Variants in FOXP1 observed in about 807,000 individuals in gnomAD.
FOXP1 encodes forkhead box protein P1.
Under a neutral mutation model 98.2 loss-of-function variants are expected in FOXP1, and 15 were observed. That is an observed-to-expected ratio of 0.15 (90% CI 0.10 to 0.24). The LOEUF is 0.24. Among genes scored for constraint, FOXP1 ranks in the 10% least tolerant of loss-of-function variants. FOXP1 has a pLI of 1.00. For missense variants in FOXP1, 633 were observed against 848.5 expected, an observed-to-expected ratio of 0.75 and a Z score of 3.15; for synonymous variants, 371 against 314.5, an observed-to-expected ratio of 1.18 and a Z score of -1.90.
At chr3:71,122,159 T>C (rs540073575) in intron 6 of FOXP1, among the ~76,000 whole-genome samples, 1 of 152,364 alleles carries the variant, frequency 6.6e-6, no homozygotes, top group African/African-American at 2.4e-5. Flanking sequence ...TATGGTACTG[T>C]ATTCCTTTTT....
intron 3 of FOXP1, among the ~76,000 whole-genome samples, chr3:71,391,054 A>T (rs1284090058): frequency 1.2e-4 from 18 of 152,210 alleles, no homozygotes; most frequent in Admixed American, 1.1e-3. Flanking sequence ...GCTCACAAAA[A>T]TGTCATGGCC....
intron 3 of FOXP1, among the ~76,000 whole-genome samples, chr3:71,368,239 C>T (rs1273482748): frequency 6.6e-6 from 1 of 152,140 alleles, no homozygotes; most frequent in African/African-American, 2.4e-5. Context: ...ATTCTCCTGC[C>T]TCAGCCTCCT....
At chr3:71,468,372 C>T (rs2088987432) in intron 3 of FOXP1, among the ~76,000 whole-genome samples, 1 of 152,112 alleles carries the variant, frequency 6.6e-6, no homozygotes, top group African/African-American at 2.4e-5. Context: ...AACATTTCTC[C>T]TTGGTGTGAC....
At chr3:71,582,191 A>T in intron 1 of FOXP1, 1 of 983,908 alleles carries the variant, frequency 1.0e-6, no homozygotes, top group Non-Finnish European at 1.2e-6. Context: ...GTCTCCCGGG[A>T]CCAAGGCGGA....
chr3:71,024,689 T>C (rs1036135931), intron 11 of FOXP1, among the ~76,000 whole-genome samples: 3 of 152,224 alleles, frequency 2.0e-5, no homozygotes, highest in Admixed American at 2.0e-4. Context: ...GAGTAAAACT[T>C]GCAATTGGAG....
At chr3:71,305,425 C>T (rs997436232) in intron 4 of FOXP1, among the ~76,000 whole-genome samples, 3 of 152,254 alleles carry the variant, frequency 2.0e-5, no homozygotes, top group Non-Finnish European at 4.4e-5. Flanking sequence ...AATGAAGAGA[C>T]GATTCGATTT....
intron 5 of FOXP1, among the ~76,000 whole-genome samples, chr3:71,264,580 G>A (rs1296731283): frequency 6.6e-6 from 1 of 152,130 alleles, no homozygotes; most frequent in Non-Finnish European, 1.5e-5. Flanking sequence ...TTTCCTAATT[G>A]CTTTATCACC....
At chr3:71,582,659 C>A (rs1238508894) in intron 1 of FOXP1, 1 of 985,262 alleles carries the variant, frequency 1.0e-6, no homozygotes, top group African/African-American at 1.7e-5. Context: ...GAGATCCGGG[C>A]GCGGCGACTC....
chr3:71,008,388 G>T (rs115312173), intron 12 of FOXP1, among the ~76,000 whole-genome samples: 2,486 of 152,262 alleles, frequency 0.016, 27 homozygotes, highest in Non-Finnish European at 0.026. Context: ...GGACTCAAGT[G>T]GGGAGAAGAT....
At chr3:71,558,272 G>A (rs939820535) in intron 2 of FOXP1, among the ~76,000 whole-genome samples, 3 of 152,032 alleles carry the variant, frequency 2.0e-5, no homozygotes, top group Non-Finnish European at 4.4e-5. Flanking sequence ...TGACTCGGAC[G>A]TGCCCCTTCC....
In FOXP1 at chr3:71,459,674, AG is replaced by A. The variant is rs1386736495; in HGVS notation, c.-168+33751del. Among the ~76,000 whole-genome samples the A allele has an allele frequency of 2.0e-5, 3 of 152,208 alleles. No individual in the cohort carries two copies. In the East Asian group the frequency reaches 5.8e-4, roughly 29 times the overall value. Reference sequence around the variant, plus strand: ...ATTCCATTCAAAATCATATTATTTTAGCCTCCAAATTCAAATACAGCTAAAA... The same window carrying A: ...ATTCCATTCAAAATCATATTATTTTACCTCCAAATTCAAATACAGCTAAAA... On this transcript the variant is annotated intron_variant, in intron 3 of 20. Coordinates refer to ENST00000649528, the MANE Select transcript of FOXP1 (RefSeq NM_001349338.3).
chr3:71,277,059 C>T (rs894654743), intron 5 of FOXP1, among the ~76,000 whole-genome samples: 5 of 151,070 alleles, frequency 3.3e-5, no homozygotes, highest in Admixed American at 1.3e-4. Flanking sequence ...CCCGGATTCA[C>T]GCCATTCTCC....
chr3:71,092,433 C>T (rs1186764575), intron 7 of FOXP1, among the ~76,000 whole-genome samples: 1 of 151,882 alleles, frequency 6.6e-6, no homozygotes, highest in African/African-American at 2.4e-5. Context: ...AGAGGGAGGG[C>T]AAGTACAGAG....
chr3:71,002,288 C>G (rs562672709), intron 12 of FOXP1, among the ~76,000 whole-genome samples: 1 of 152,112 alleles, frequency 6.6e-6, no homozygotes, highest in African/African-American at 2.4e-5. Flanking sequence ...AAAAACAAAA[C>G]GGATACAAAT....
intron 5 of FOXP1, among the ~76,000 whole-genome samples, chr3:71,200,524 A>G (rs7374975): frequency 0.7 from 106,306 of 152,156 alleles, 37,603 homozygotes; most frequent in East Asian, 0.88. Context: ...AAAACAATGA[A>G]AACGGCAGGC....
At chr3:71,109,154 T>C (rs1322933697) in intron 7 of FOXP1, among the ~76,000 whole-genome samples, 3 of 152,234 alleles carry the variant, frequency 2.0e-5, no homozygotes, top group African/African-American at 7.2e-5. Flanking sequence ...CACCCAAGAA[T>C]GTGACCAGCT....
At chr3:70,972,489 G>C (rs772435147) in intron 18 of FOXP1, 66 bp downstream of exon 18, 29 of 1,604,516 alleles carry the variant, frequency 1.8e-5, no homozygotes, top group African/African-American at 2.7e-5. Flanking sequence ...AGCAGCCAAA[G>C]CCTCTACGTT....
intron 7 of FOXP1, among the ~76,000 whole-genome samples, chr3:71,096,647 C>T (rs2056482533): frequency 6.6e-6 from 1 of 152,136 alleles, no homozygotes; most frequent in African/African-American, 2.4e-5. Context: ...CAAGACAGAG[C>T]TGTATGCATT....
intron 13 of FOXP1, among the ~76,000 whole-genome samples, chr3:70,994,658 T>C (rs926603725): frequency 3.3e-5 from 5 of 152,160 alleles, no homozygotes; most frequent in Middle Eastern, 3.2e-3. Flanking sequence ...CCCTATATAA[T>C]AGGTGCTTGG....
Sources: gnomAD v4.1 joint callset for allele counts (sites outside exome capture counted in the v4.1 genomes callset) on GRCh38, gnomAD v4.1.1 for gene constraint, MANE v1.5 for transcripts, NCBI Gene and HGNC (gene_info 2026-07-23, HGNC 2026-07-21) for gene names.